The following DENND4A variants were observed in gnomAD, a reference collection of about 807,000 sequenced individuals.
DENND4A encodes the protein DENN domain containing 4A.
Under a neutral mutation model 199.3 loss-of-function variants are expected in DENND4A, and 70 were observed. The ratio of observed to expected loss-of-function variants is 0.35; its 90% confidence interval spans 0.29 to 0.43. DENND4A has a LOEUF of 0.43. Among genes scored for constraint, DENND4A ranks in the 20% least tolerant of loss-of-function variants. The probability of loss-of-function intolerance (pLI) is 1.00; values close to 1 mark genes in which losing one functional copy is unlikely to be tolerated. For synonymous variants in DENND4A, 686 were observed against 766.9 expected, an observed-to-expected ratio of 0.89 and a Z score of 1.74; for missense variants, 1,723 against 2,255.8, an observed-to-expected ratio of 0.76 and a Z score of 4.78.
intron 22 of DENND4A, among the ~76,000 whole-genome samples, chr15:65,692,777 G>A (rs1178029005): frequency 6.6e-6 from 1 of 152,058 alleles, no homozygotes; most frequent in Non-Finnish European, 1.5e-5. Flanking sequence ...CTAAAGACCT[G>A]GAGGAATCTT....
At chr15:65,722,274 G>A (rs1034326693) in intron 12 of DENND4A, among the ~76,000 whole-genome samples, 11 of 152,144 alleles carry the variant, frequency 7.2e-5, no homozygotes, top group African/African-American at 2.4e-4. Flanking sequence ...CTTGAGCCCA[G>A]GACAACATGG....
rs761590535 is a variant in DENND4A at position 65,717,945 on chromosome 15, T to C, written c.1640A>G (p.Tyr547Cys). 6.2e-6 allele frequency: 10 copies of C among 1,609,154 alleles called. No homozygotes were observed. Among genetic ancestry groups the C allele is most frequent in the Admixed American group, 1.7e-5 (1 of 59,316 alleles). The change falls in exon 13 of 33, where the codon TAT becomes TGT. Residue 547 changes from tyrosine (Y) to cysteine (C), a missense_variant. Coordinates refer to ENST00000443035, the MANE Select transcript of DENND4A (RefSeq NM_001320835.1). ...DGLMDLAIND[Y>C]DFNSGKRLHM... Reference sequence around the variant, plus strand: ...CAACCTCTTTCCAGAATTAAAATCATAGTCATTTATTGCTAAATCCATGAG... The same window carrying C: ...CAACCTCTTTCCAGAATTAAAATCACAGTCATTTATTGCTAAATCCATGAG...
chr15:65,723,787 GCT>G (rs927722148), intron 11 of DENND4A, among the ~76,000 whole-genome samples: 4 of 152,100 alleles, frequency 2.6e-5, no homozygotes, highest in Middle Eastern at 3.4e-3. Context: ...GTGAACGTGG[GCT>G]CTCTCTCTCA....
chr15:65,739,023 T>G (rs998371471), intron 5 of DENND4A, 148 bp from the exon 6 acceptor site: 9 of 549,178 alleles, frequency 1.6e-5, no homozygotes, highest in Non-Finnish European at 1.8e-5. Flanking sequence ...AATACTTTGG[T>G]AGGATTCATA....
intron 29 of DENND4A, among the ~76,000 whole-genome samples, chr15:65,666,398 A>C (rs569644825): frequency 6.6e-6 from 1 of 152,334 alleles, no homozygotes; most frequent in African/African-American, 2.4e-5. Flanking sequence ...GGTGGCATAC[A>C]CAGCGTGGAT....
intron 15 of DENND4A, 90 bp from the exon 16 acceptor site, chr15:65,703,098 A>G: frequency 8.5e-7 from 1 of 1,175,460 alleles, no homozygotes; most frequent in Non-Finnish European, 1.2e-6. Flanking sequence ...AATTACGACC[A>G]ATAACTTCTT....
chr15:65,665,923 T>G (rs1176343923), intron 29 of DENND4A, among the ~76,000 whole-genome samples: 4 of 152,220 alleles, frequency 2.6e-5, no homozygotes, highest in African/African-American at 9.7e-5. Flanking sequence ...GACCACCATT[T>G]AGTGGCAGTG....
At chr15:65,665,191 ACACT>A (rs1290588708) in intron 30 of DENND4A, 150 bp downstream of exon 30, 1 of 560,542 alleles carries the variant, frequency 1.8e-6, no homozygotes, top group African/African-American at 1.9e-5. Context: ...AAAAAATCAA[ACACT>A]CACTCTCAAA....
At chr15:65,705,570 A>C (rs1303483806) in intron 15 of DENND4A, among the ~76,000 whole-genome samples, 1 of 152,198 alleles carries the variant, frequency 6.6e-6, no homozygotes, top group Non-Finnish European at 1.5e-5. Context: ...AATTCCCTAA[A>C]TTAACAATGA....
intron 1 of DENND4A, among the ~76,000 whole-genome samples, chr15:65,778,079 C>A (rs2077330565): frequency 6.6e-6 from 1 of 151,724 alleles, no homozygotes; most frequent in African/African-American, 2.4e-5. Flanking sequence ...TTCCTCAGCA[C>A]AATAAAATGA....
intron 7 of DENND4A, among the ~76,000 whole-genome samples, chr15:65,735,181 C>T (rs1259798225): frequency 6.6e-6 from 1 of 152,014 alleles, no homozygotes. Context: ...AGTTTGAGAC[C>T]AGCCTGGCCA....
intron 1 of DENND4A, among the ~76,000 whole-genome samples, chr15:65,785,784 C>T (rs1358426129): frequency 6.6e-6 from 1 of 151,996 alleles, no homozygotes; most frequent in African/African-American, 2.4e-5. Flanking sequence ...CATTGGAAAG[C>T]TCACTATCAA....
intron 4 of DENND4A, among the ~76,000 whole-genome samples, chr15:65,742,232 A>T (rs533863019): frequency 6.6e-6 from 1 of 152,098 alleles, no homozygotes; most frequent in Non-Finnish European, 1.5e-5. Context: ...CTTTCTCCCA[A>T]ATTCATTTCC....
At chr15:65,691,586 C>T (rs1333532273) in intron 22 of DENND4A, 75 bp from the exon 23 acceptor site, 1 of 1,405,512 alleles carries the variant, frequency 7.1e-7, no homozygotes, top group African/African-American at 1.5e-5. Context: ...ATTTAAAATT[C>T]TAGTGATGAA....
rs1345412557 is a variant in DENND4A, at chr15:65,663,089, TTCTC to T, written c.5588-1106_5588-1103del. Reference sequence around the variant, plus strand: ...TGATTTTGGTTAAGTTCTGGCATCTTTCTCAAGTGGCTAGAATGACTATCCCAAT... The same window carrying T: ...TGATTTTGGTTAAGTTCTGGCATCTTAAGTGGCTAGAATGACTATCCCAAT... On this transcript the variant is annotated intron_variant, in intron 32 of 32. Coordinates refer to ENST00000443035, the MANE Select transcript of DENND4A (RefSeq NM_001320835.1). 2.0e-4 allele frequency among the ~76,000 whole-genome samples: 30 copies of T among 152,038 alleles called. No individual in the cohort carries two copies. In the East Asian group the frequency reaches 3.9e-3, roughly 20 times the overall value.
chr15:65,763,944 T>C (rs1176628089), intron 1 of DENND4A, among the ~76,000 whole-genome samples: 3 of 152,164 alleles, frequency 2.0e-5, no homozygotes, highest in Non-Finnish European at 1.5e-5. Context: ...AATACTGACT[T>C]GCTGAAACAT....
At chr15:65,772,507 G>A (rs1164719224) in intron 1 of DENND4A, among the ~76,000 whole-genome samples, 14 of 151,870 alleles carry the variant, frequency 9.2e-5, no homozygotes, top group Non-Finnish European at 1.9e-4. Flanking sequence ...AGGAGTTTGA[G>A]ACCAGCCTGA....
intron 7 of DENND4A, among the ~76,000 whole-genome samples, chr15:65,736,497 C>G (rs1167225383): frequency 6.6e-6 from 1 of 151,500 alleles, no homozygotes; most frequent in African/African-American, 2.4e-5. Flanking sequence ...AACTCCTGAC[C>G]TCAGGTGATT....
At chr15:65,676,875 T>TA (rs1218731624) in intron 23 of DENND4A, among the ~76,000 whole-genome samples, 1 of 152,198 alleles carries the variant, frequency 6.6e-6, no homozygotes, top group African/African-American at 2.4e-5. Context: ...TACTAGTTAG[T>TA]AAGGTAACCT....
Sources: allele counts gnomAD v4.1 joint callset (sites outside exome capture counted in the v4.1 genomes callset), GRCh38; gene constraint gnomAD v4.1.1; transcripts MANE v1.5; gene names NCBI Gene and HGNC (gene_info 2026-07-23, HGNC 2026-07-21).